Variants in RPRD2 observed in about 807,000 individuals in gnomAD.
RPRD2 encodes the protein regulation of nuclear pre-mRNA domain containing 2.
Under a neutral mutation model 104.4 loss-of-function variants are expected in RPRD2, and 12 were observed. The ratio of observed to expected loss-of-function variants is 0.11; its 90% CI spans 0.07 to 0.19. The LOEUF is 0.19. Ranked by LOEUF, RPRD2 falls within the 10% of genes least tolerant of loss-of-function variation. RPRD2 has a pLI of 1.00. For missense variants in RPRD2, 1,543 were observed against 1,790.1 expected (o/e 0.86, Z 2.49); for synonymous variants, 714 against 684.9 (o/e 1.04, Z -0.66).
intron 2 of RPRD2, among the ~76,000 whole-genome samples, chr1:150,423,492 T>C (rs1241024654): frequency 6.6e-6 from 1 of 152,222 alleles, no homozygotes; most frequent in Non-Finnish European, 1.5e-5. Flanking sequence ...AAAATGAATT[T>C]ATGCTAGTTG....
intron 9 of RPRD2, among the ~76,000 whole-genome samples, chr1:150,461,800 A>G (rs1284452586): frequency 1.3e-5 from 2 of 150,682 alleles, no homozygotes; most frequent in Non-Finnish European, 3.0e-5. Context: ...CCAACATGGT[A>G]AAACCCCGTC....
chr1:150,367,948 C>T (rs1462580160), intron 1 of RPRD2, among the ~76,000 whole-genome samples: 1 of 152,024 alleles, frequency 6.6e-6, no homozygotes, highest in African/African-American at 2.4e-5. Flanking sequence ...GTCTCGAACT[C>T]CTGACCTCAG....
chr1:150,391,456 T>G (rs1259861771), intron 1 of RPRD2, among the ~76,000 whole-genome samples: 1 of 152,124 alleles, frequency 6.6e-6, no homozygotes, highest in Non-Finnish European at 1.5e-5. Flanking sequence ...ACTGGCCCAT[T>G]AATGACCTTT....
At chr1:150,411,443 A>G (rs145119256) in intron 1 of RPRD2, among the ~76,000 whole-genome samples, 3,369 of 136,244 alleles carry the variant, frequency 0.025, 173 homozygotes, top group African/African-American at 0.093. Flanking sequence ...CCTGGACAAC[A>G]GAGCTAGACT....
In RPRD2 at chr1:150,475,390, G is replaced by A. The variant is rs1668844121; in HGVS notation, c.*2056G>A. On this transcript the variant is annotated 3_prime_UTR_variant, in exon 11 of 11. Transcript: ENST00000369068. ...TGCTCTTGTTTAAGCTAAAAGTAGTGTTTACTTGATAAGGCTCTCTGACCA... is the reference window on the plus strand; with the variant it reads ...TGCTCTTGTTTAAGCTAAAAGTAGTATTTACTTGATAAGGCTCTCTGACCA... The A allele has an allele frequency of 6.6e-6, 1 of 152,424 alleles. No individual in the cohort carries two copies. Among genetic ancestry groups the A allele is most frequent in the African/African-American group, 2.4e-5 (1 of 41,404 alleles). The allele number at this position is 152,424 out of a possible 1,614,324, so 9.4% of individuals were successfully genotyped here. A position where few individuals can be genotyped will look rare whatever the true frequency, so the allele number is the denominator to read the frequency against.
intron 1 of RPRD2, among the ~76,000 whole-genome samples, chr1:150,398,844 T>C (rs1662751329): frequency 1.3e-5 from 2 of 152,008 alleles, no homozygotes; most frequent in African/African-American, 4.8e-5. Context: ...CACCCGGCCT[T>C]AACAGCATTT....
intron 2 of RPRD2, among the ~76,000 whole-genome samples, chr1:150,436,006 A>T (rs920314433): frequency 6.6e-6 from 1 of 152,124 alleles, no homozygotes; most frequent in African/African-American, 2.4e-5. Context: ...GTTAAAAATT[A>T]TGCTAAATCT....
At chr1:150,376,751 T>C (rs936808420) in intron 1 of RPRD2, among the ~76,000 whole-genome samples, 19 of 151,302 alleles carry the variant, frequency 1.3e-4, no homozygotes, top group East Asian at 6.0e-4. Context: ...CCGCCCGCCT[T>C]GGCCTCCCAA....
At position 150,440,953 on chromosome 1, in the gene RPRD2, A is replaced by C; in HGVS notation, c.366A>C (p.Arg122=). 6.3e-7 allele frequency: 1 copy of C among 1,578,678 alleles called. No homozygotes were observed. Among genetic ancestry groups the C allele is most frequent in the Non-Finnish European group, 8.6e-7 (1 of 1,159,658 alleles). ...CATCTGTCTCTAAGTCTGTAGAACG[A>C]ATCTTTAAAATCTGGGAAGATAGAA... is the stretch of plus-strand genomic sequence containing the variant. ...KDPSVSKSVE[R]IFKIWEDRNV... The change falls in exon 3 of 11, where the codon CGA becomes CGC. Residue 122 remains arginine, a synonymous_variant. Coordinates refer to ENST00000369068, the MANE Select transcript of RPRD2 (RefSeq NM_015203.5).
chr1:150,476,078 TC>T lies in RPRD2; in HGVS notation c.*2745del, dbSNP rs1283781484. On this transcript the variant is annotated 3_prime_UTR_variant, in exon 11 of 11. Transcript: ENST00000369068. ...TAAGTATTTTGAAAGAGTTTACTCT[TC>T]AGTCAGCTTAGATGAGAGCTCTCTC... 1 of 152,166 alleles carries T rather than the reference TC, an allele frequency of 6.6e-6. No homozygotes were observed. Among genetic ancestry groups the T allele is most frequent in the East Asian group, 1.9e-4 (1 of 5,200 alleles). The allele number at this position is 152,166 out of a possible 1,614,324, so 9.4% of individuals were successfully genotyped here. A position where few individuals can be genotyped will look rare whatever the true frequency, so the allele number is the denominator to read the frequency against.
chr1:150,395,570 T>G (rs1415418686), intron 1 of RPRD2, among the ~76,000 whole-genome samples: 1 of 149,436 alleles, frequency 6.7e-6, no homozygotes, highest in African/African-American at 2.5e-5. Context: ...TGGAGTGCAG[T>G]GGCACCATCT....
intron 1 of RPRD2, among the ~76,000 whole-genome samples, chr1:150,379,791 C>T: frequency 6.6e-6 from 1 of 152,244 alleles, no homozygotes. Flanking sequence ...CCGCCTTGGC[C>T]TCCCTAAGTA....
intron 1 of RPRD2, among the ~76,000 whole-genome samples, chr1:150,400,304 A>C (rs1553885059): frequency 6.6e-6 from 1 of 152,166 alleles, no homozygotes; most frequent in African/African-American, 2.4e-5. Flanking sequence ...TCATGTCTAT[A>C]CATAGAGATG....
At chr1:150,440,698 A>G (rs1553894235) in intron 2 of RPRD2, among the ~76,000 whole-genome samples, 2 of 152,164 alleles carry the variant, frequency 1.3e-5, no homozygotes. Context: ...AGCTTCATCT[A>G]TGTCATTTAC....
At chr1:150,388,897 C>A (rs1230442126) in intron 1 of RPRD2, among the ~76,000 whole-genome samples, 3 of 152,160 alleles carry the variant, frequency 2.0e-5, no homozygotes, top group African/African-American at 7.2e-5. Flanking sequence ...AGCCACTGCA[C>A]TTGGCCTAAT....
intron 1 of RPRD2, among the ~76,000 whole-genome samples, chr1:150,387,062 A>C (rs587646670): frequency 6.6e-6 from 1 of 152,322 alleles, no homozygotes; most frequent in East Asian, 1.9e-4. Context: ...CATAGTTTTT[A>C]TGCATTCATG....
intron 1 of RPRD2, among the ~76,000 whole-genome samples, chr1:150,374,368 G>A (rs986177237): frequency 6.6e-6 from 1 of 152,166 alleles, no homozygotes; most frequent in Non-Finnish European, 1.5e-5. Flanking sequence ...GTTCATTGGT[G>A]TCCTTTGTTA....
chr1:150,444,123 C>T, intron 5 of RPRD2, 128 bp from the exon 6 acceptor site: 8 of 880,362 alleles, frequency 9.1e-6, no homozygotes, highest in South Asian at 4.0e-5. Flanking sequence ...TTTTTTCCTC[C>T]CAGGGTTTTG....
intron 5 of RPRD2, among the ~76,000 whole-genome samples, chr1:150,443,942 C>T (rs1341681103): frequency 3.3e-5 from 5 of 152,042 alleles, no homozygotes; most frequent in Non-Finnish European, 5.9e-5. Flanking sequence ...GGCATGAACC[C>T]GGGAGGCGGA....
Sources: gnomAD v4.1 joint callset for allele counts (sites outside exome capture counted in the v4.1 genomes callset) on GRCh38, gnomAD v4.1.1 for gene constraint, MANE v1.5 for transcripts, NCBI Gene and HGNC (gene_info 2026-07-23, HGNC 2026-07-21) for gene names.